ZNF577: variants seen among roughly 807,000 people sequenced by gnomAD.
ZNF577 encodes zinc finger protein 577.
ZNF577 carries 14 observed loss-of-function variants against 13.9 expected under a neutral mutation model. The ratio of observed to expected loss-of-function variants is 1.00; its 90% CI spans 0.66 to 1.57. The LOEUF is 1.57. Ranked by LOEUF, ZNF577 falls within the 40% of genes most tolerant of loss-of-function variation. The probability of loss-of-function intolerance (pLI) is 0.00; values close to 1 mark genes in which losing one functional copy is unlikely to be tolerated. For synonymous variants in ZNF577, 203 were observed against 202.9 expected (o/e 1.00, Z 0.00); for missense variants, 555 against 579.2 (o/e 0.96, Z 0.43).
rs968141954 is a variant in ZNF577, at chr19:51,869,678, G to T, written c.*2854C>A. Among the ~76,000 whole-genome samples, 14 of 152,302 alleles carry T rather than the reference G, an allele frequency of 9.2e-5. No individual in the cohort carries two copies. The highest frequency in any genetic ancestry group is 3.4e-3 in the Middle Eastern group (1 of 294). On this transcript the variant is annotated 3_prime_UTR_variant, in exon 6 of 6. Coordinates refer to ENST00000638348, the MANE Select transcript of ZNF577 (RefSeq NM_001370449.1). ...CCCCTGACGAGAAACACCCACAGGT[G>T]TGGACGGGCTGGACCCCTTCAATGT... is the stretch of plus-strand genomic sequence containing the variant.
At chr19:51,865,504 G>T (rs1006157188), downstream of ZNF577, among the ~76,000 whole-genome samples, 14 of 152,162 alleles carry the variant, frequency 9.2e-5, no homozygotes, top group Non-Finnish European at 2.1e-4. Flanking sequence ...CAGGTCTGTA[G>T]GAAATACAAA....
At chr19:51,877,203 T>C in intron 5 of ZNF577, 79 bp downstream of exon 5, 1 of 1,290,458 alleles carries the variant, frequency 7.7e-7, no homozygotes, top group Non-Finnish European at 1.1e-6. Flanking sequence ...AAAGAACACT[T>C]TAAAAGCATC....
intron 1 of ZNF577, among the ~76,000 whole-genome samples, chr19:51,881,491 C>T (rs2084861547): frequency 6.6e-6 from 1 of 152,166 alleles, no homozygotes; most frequent in Non-Finnish European, 1.5e-5. Flanking sequence ...TTATTTCCAT[C>T]CTAAACATGA....
At chr19:51,829,601 C>G (rs1214383923) in intron 9 of ZNF577, among the ~76,000 whole-genome samples, 1 of 152,124 alleles carries the variant, frequency 6.6e-6, no homozygotes, top group Non-Finnish European at 1.5e-5. Context: ...TGACCGATCT[C>G]CTACACATCT....
chr19:51,855,768 G>A (rs2084411725), intron 5 of ZNF577: 2 of 152,156 alleles, frequency 1.3e-5, no homozygotes, highest in Non-Finnish European at 2.9e-5. Context: ...AGTCAGGTGA[G>A]AGAATGAGTT....
At chr19:51,878,538 A>G (rs763366532) in intron 3 of ZNF577, 23 bp from the exon 4 acceptor site, 1 of 1,612,942 alleles carries the variant, frequency 6.2e-7, no homozygotes, top group South Asian at 1.1e-5. Flanking sequence ...TTCCAATGCA[A>G]TCTGAGGTGG....
chr19:51,811,793 CT>C (rs113880977), intron 9 of ZNF577: 47,125 of 151,778 alleles, frequency 0.31, 7,501 homozygotes, highest in African/African-American at 0.39. Flanking sequence ...CAGGAGGCGA[CT>C]CGCCCTCAGC....
chr19:51,880,136 G>T (rs933119132), intron 3 of ZNF577, among the ~76,000 whole-genome samples, 187 bp downstream of exon 3: 4 of 152,126 alleles, frequency 2.6e-5, no homozygotes, highest in African/African-American at 7.2e-5. Context: ...CGCTATTTTC[G>T]AAGAATTTTG....
At chr19:51,826,004 A>T (rs2084229851) in intron 9 of ZNF577, 1 of 166,430 alleles carries the variant, frequency 6.0e-6, no homozygotes, top group Admixed American at 6.5e-5. Context: ...TTCTATTCTT[A>T]TTTGTTAAGA....
intron 3 of ZNF577, among the ~76,000 whole-genome samples, chr19:51,879,870 C>T (rs8110073): frequency 6.6e-6 from 1 of 152,036 alleles, no homozygotes; most frequent in Middle Eastern, 3.4e-3. Context: ...CAAAACAAGC[C>T]GAACTGGTGC....
At chr19:51,828,503 T>A (rs796198224) in intron 9 of ZNF577, among the ~76,000 whole-genome samples, 5 of 152,312 alleles carry the variant, frequency 3.3e-5, no homozygotes, top group African/African-American at 1.2e-4. Flanking sequence ...ATTCTTACTA[T>A]TCCTTCCCAC....
chr19:51,824,934 C>T lies in ZNF577; in HGVS notation c.*600-13260G>A. ...CCACAATCATCAACATAAAGGAAGT[C>T]TGTACCAAATCTGTAGGGGGTTTTT... On this transcript the variant is annotated intron_variant and NMD_transcript_variant, in intron 9 of 10. Transcript: ENST00000638827. This position sits in a 1 kb window ranked among gnomAD's most constrained non-coding sequence, Gnocchi z 4.7. The T allele has an allele frequency of 6.4e-6, 5 of 783,884 alleles. No individual in the cohort carries two copies. In the South Asian group the frequency reaches 7.5e-5, roughly 12 times the overall value. The allele number at this position is 783,884 out of a possible 1,614,324, so 48.6% of individuals were successfully genotyped here.
At chr19:51,874,167 T>A (rs931305576) in intron 5 of ZNF577, among the ~76,000 whole-genome samples, 23 of 152,156 alleles carry the variant, frequency 1.5e-4, no homozygotes, top group Non-Finnish European at 2.2e-4. Context: ...AGAAACACAT[T>A]GCAACTGGAA....
At chr19:51,805,554 T>C (rs759739535) in intron 10 of ZNF577, among the ~76,000 whole-genome samples, 2 of 152,208 alleles carry the variant, frequency 1.3e-5, no homozygotes, top group African/African-American at 2.4e-5. Flanking sequence ...AATACGAGTG[T>C]GATTAAAATG....
intron 5 of ZNF577, among the ~76,000 whole-genome samples, chr19:51,857,474 T>C (rs188109945): frequency 4.6e-5 from 7 of 152,118 alleles, no homozygotes; most frequent in Admixed American, 4.6e-4. Flanking sequence ...TATTTTGCAG[T>C]AGATGTTTCA....
chr19:51,854,348 G>A (rs142925628), intron 5 of ZNF577, among the ~76,000 whole-genome samples: 1,606 of 150,734 alleles, frequency 0.011, 26 homozygotes, highest in African/African-American at 0.034. Context: ...TTTTTTTTGA[G>A]ACAGGATCTC....
rs771205878 is a variant in ZNF577, at chr19:51,872,586, C to T, written c.1404G>A (p.Val468=). The change falls in exon 6 of 6, where the codon GTG becomes GTA. Residue 468 remains valine (V), a synonymous_variant. Coordinates refer to ENST00000638348, the MANE Select transcript of ZNF577 (RefSeq NM_001370449.1). ...QRISLTNEVN[V]APSVINYILY... ...AGATATAATTTATTACTGATGGGGC[C>T]ACATTCACTTCATTTGTGAGGCTTA... is the stretch of plus-strand genomic sequence containing the variant. 1.4e-5 allele frequency: 23 copies of T among 1,613,060 alleles called. No homozygotes were observed. The highest frequency in any genetic ancestry group is 3.4e-6 in the Non-Finnish European group (4 of 1,179,604).
At chr19:51,841,038 CTG>C (rs2084317393) in intron 8 of ZNF577, 1 of 152,202 alleles carries the variant, frequency 6.6e-6, no homozygotes, top group Non-Finnish European at 1.5e-5. Context: ...TTAGTCCAAA[CTG>C]CACCATTTTG....
Position 51,824,011 on chromosome 19 carries a change from G to A in ZNF577, c.*600-12337C>T, listed in dbSNP as rs1288549525. On this transcript the variant is annotated intron_variant and NMD_transcript_variant, in intron 9 of 10. Transcript: ENST00000638827. This position sits in a 1 kb window ranked among gnomAD's most constrained non-coding sequence, Gnocchi z 4.7. Reference sequence around the variant, plus strand: ...TTCCGAATGGTCTCAGTCGCCATGAGAGAAAAATGGCCTTTTGGCTCATTC... The same window carrying A: ...TTCCGAATGGTCTCAGTCGCCATGAAAGAAAAATGGCCTTTTGGCTCATTC... 1 of 1,614,114 alleles carries A rather than the reference G, an allele frequency of 6.2e-7. No homozygotes were observed. The highest frequency in any genetic ancestry group is 1.1e-5 in the South Asian group (1 of 91,070).
Sources: gnomAD v4.1 joint callset for allele counts (sites outside exome capture counted in the v4.1 genomes callset) on GRCh38, gnomAD v4.1.1 for gene constraint, Gnocchi (gnomAD v3.1) non-coding constraint, MANE v1.5 for transcripts, NCBI Gene and HGNC (gene_info 2026-07-23, HGNC 2026-07-21) for gene names.